Variants in PPP4R2 observed in about 807,000 individuals in gnomAD.
PPP4R2 encodes protein phosphatase 4 regulatory subunit 2.
In PPP4R2, 13 loss-of-function variants were observed where a neutral mutation model predicts 47.2. That is an observed-to-expected ratio of 0.28 (90% CI 0.18 to 0.44). The LOEUF (loss-of-function observed/expected upper bound fraction) is 0.44, where lower values mean the gene tolerates loss of function less well. PPP4R2 is among the 20% of genes least tolerant of loss of function. The pLI, the probability that PPP4R2 is intolerant of heterozygous loss-of-function variation, is 1.00. For synonymous variants in PPP4R2, 151 were observed against 163.3 expected (o/e 0.92, Z 0.57); for missense variants, 421 against 491.2 (o/e 0.86, Z 1.35).
chr3:73,009,843 T>C (rs1701686590), intron 2 of PPP4R2, among the ~76,000 whole-genome samples: 1 of 152,260 alleles, frequency 6.6e-6, no homozygotes, highest in South Asian at 2.1e-4. Context: ...AAATGTATTT[T>C]AGATCTTCAT....
chr3:73,040,922 A>G (rs1307177101), intron 2 of PPP4R2, among the ~76,000 whole-genome samples: 1 of 152,196 alleles, frequency 6.6e-6, no homozygotes, highest in Non-Finnish European at 1.5e-5. Flanking sequence ...CGTAGTGAGT[A>G]AGGAGGAGGG....
intron 2 of PPP4R2, among the ~76,000 whole-genome samples, chr3:73,003,492 G>A (rs900795254): frequency 2.0e-5 from 3 of 151,696 alleles, no homozygotes; most frequent in African/African-American, 7.3e-5. Flanking sequence ...CTGGGATTAC[G>A]GGCATAGTCA....
chr3:73,044,220 T>G (rs1381008191), intron 2 of PPP4R2, among the ~76,000 whole-genome samples: 3 of 150,856 alleles, frequency 2.0e-5, no homozygotes, highest in Non-Finnish European at 4.4e-5. Context: ...TTTCATAATT[T>G]TTGTTGTTGT....
intron 2 of PPP4R2, among the ~76,000 whole-genome samples, chr3:73,033,615 C>CCAT (rs1159434486): frequency 2.6e-5 from 4 of 152,174 alleles, no homozygotes; most frequent in Non-Finnish European, 5.9e-5. Context: ...TGTTGTAGAG[C>CCAT]CATCATCATT....
intron 2 of PPP4R2, among the ~76,000 whole-genome samples, chr3:73,046,758 A>G (rs1164634550): frequency 1.3e-5 from 2 of 152,204 alleles, no homozygotes; most frequent in Admixed American, 6.5e-5. Flanking sequence ...ATAATAGACA[A>G]ATTTTACTAG....
intron 2 of PPP4R2, among the ~76,000 whole-genome samples, chr3:73,005,095 A>G (rs1261561970): frequency 2.6e-5 from 4 of 151,816 alleles, no homozygotes; most frequent in Non-Finnish European, 5.9e-5. Flanking sequence ...GGTGCCCACC[A>G]CTATGCCTGG....
At chr3:73,056,220 C>A (rs1486711049) in intron 3 of PPP4R2, among the ~76,000 whole-genome samples, 1 of 152,180 alleles carries the variant, frequency 6.6e-6, no homozygotes, top group Non-Finnish European at 1.5e-5. Context: ...TAGAGGCCTA[C>A]CTCACACTAA....
At chr3:73,056,668 G>A (rs1267496034) in intron 3 of PPP4R2, among the ~76,000 whole-genome samples, 3 of 152,006 alleles carry the variant, frequency 2.0e-5, no homozygotes, top group Non-Finnish European at 2.9e-5. Context: ...ACTTAAACTC[G>A]TTTTATCATT....
At chr3:73,038,976 A>G (rs1374585295) in intron 2 of PPP4R2, among the ~76,000 whole-genome samples, 2 of 152,188 alleles carry the variant, frequency 1.3e-5, no homozygotes, top group Non-Finnish European at 2.9e-5. Flanking sequence ...TTCCCTTCAG[A>G]ATTTTTGTCA....
At chr3:73,062,207 G>A (rs538094471) in intron 5 of PPP4R2, 1 of 1,585,044 alleles carries the variant, frequency 6.3e-7, no homozygotes, top group Non-Finnish European at 8.6e-7. Context: ...AATTAAGTCG[G>A]AACCAATTTT....
intron 2 of PPP4R2, among the ~76,000 whole-genome samples, chr3:73,021,250 T>TG (rs1701954394): frequency 8.7e-6 from 1 of 115,036 alleles, no homozygotes; most frequent in Admixed American, 8.4e-5. Flanking sequence ...TTTTTTTTTT[T>TG]GTAACAGGAT....
intron 3 of PPP4R2, among the ~76,000 whole-genome samples, chr3:73,055,417 C>CGTGTGTGTGTGTGTGTGTGTGTGT (rs10663655): frequency 2.2e-5 from 3 of 137,346 alleles, no homozygotes; most frequent in African/African-American, 5.7e-5. Flanking sequence ...AGTGGGGTAG[C>CGTGTGTGTGTGTGTGTGTGTGTGT]GTGTGTGTGT....
chr3:72,997,730 C>G (rs1559542738), intron 1 of PPP4R2, among the ~76,000 whole-genome samples: 1 of 152,130 alleles, frequency 6.6e-6, no homozygotes, highest in Non-Finnish European at 1.5e-5. Flanking sequence ...GATTTATGGA[C>G]TTAGATGAAC....
intron 3 of PPP4R2, 66 bp from the exon 4 acceptor site, chr3:73,058,971 G>T: frequency 1.0e-6 from 1 of 998,050 alleles, no homozygotes; most frequent in African/African-American, 1.6e-5. Flanking sequence ...CCTAGCAAAA[G>T]AAATAATGTT....
intron 2 of PPP4R2, among the ~76,000 whole-genome samples, chr3:73,035,655 C>T (rs746569825): frequency 6.6e-5 from 10 of 151,938 alleles, no homozygotes; most frequent in Non-Finnish European, 1.3e-4. Context: ...GATGGAGTTT[C>T]GCTCTGTTGC....
intron 3 of PPP4R2, 122 bp downstream of exon 3, chr3:73,047,478 GT>G: frequency 1.7e-6 from 1 of 587,374 alleles, no homozygotes; most frequent in South Asian, 3.8e-5. Context: ...CTTGTTTCTA[GT>G]GACATGTAGT....
At chr3:73,047,903 G>A (rs1166509317) in intron 3 of PPP4R2, among the ~76,000 whole-genome samples, 4 of 152,178 alleles carry the variant, frequency 2.6e-5, no homozygotes, top group African/African-American at 9.6e-5. Flanking sequence ...TTGAGAAGGT[G>A]TCTCGCTCTG....
rs1037218907 is a variant in PPP4R2 at position 73,047,394 on chromosome 3, G to A, written c.287+38G>A. On this transcript the variant is annotated intron_variant, in intron 3 of 8. Transcript: ENST00000356692. ...TACTGTTTTAAAGATTTAATTTTTA[G>A]CAGAAGATGAATAGATTTTTCTTTT... The A allele has an allele frequency of 5.9e-6, 8 of 1,360,004 alleles. No individual in the cohort carries two copies. In the South Asian group the frequency reaches 9.9e-5, roughly 17 times the overall value. The allele number at this position is 1,360,004 out of a possible 1,614,324, so 84.2% of individuals were successfully genotyped here. A position where few individuals can be genotyped will look rare whatever the true frequency, so the allele number is the denominator to read the frequency against.
chr3:73,033,157 AT>A (rs761618971), intron 2 of PPP4R2, among the ~76,000 whole-genome samples: 1 of 151,968 alleles, frequency 6.6e-6, no homozygotes, highest in Admixed American at 6.6e-5. Flanking sequence ...CACAATAACA[AT>A]TTTTTTTGTT....
Sources: allele counts gnomAD v4.1 joint callset (sites outside exome capture counted in the v4.1 genomes callset), GRCh38; gene constraint gnomAD v4.1.1; transcripts MANE v1.5; gene names NCBI Gene and HGNC (gene_info 2026-07-23, HGNC 2026-07-21).